SETDB1: variants seen among roughly 807,000 people sequenced by gnomAD.
SETDB1 encodes the protein histone-lysine N-methyltransferase SETDB1.
Under a neutral mutation model 137.4 loss-of-function variants are expected in SETDB1, and 31 were observed. The observed-to-expected ratio is 0.23, with a 90% CI of 0.17 to 0.30. The LOEUF (loss-of-function observed/expected upper bound fraction) is 0.30, where lower values mean the gene tolerates loss of function less well. SETDB1 is among the 10% of genes least tolerant of loss of function. SETDB1 has a pLI of 1.00. For synonymous variants in SETDB1, 548 were observed against 579.9 expected (o/e 0.95, Z 0.79); for missense variants, 1,113 against 1,631.5 (o/e 0.68, Z 5.47).
At chr1:150,928,978 TAATC>T (rs587700278) in intron 2 of SETDB1, among the ~76,000 whole-genome samples, 292 of 152,364 alleles carry the variant, frequency 1.9e-3, no homozygotes, top group African/African-American at 6.7e-3. Context: ...CCACATTTCT[TAATC>T]CAGTCTATCA....
chr1:150,963,904 A>T (rs775781615), intron 20 of SETDB1, 91 bp from the exon 21 acceptor site: 2 of 1,330,932 alleles, frequency 1.5e-6, no homozygotes, highest in African/African-American at 1.4e-5. Flanking sequence ...GGAGGGTCAG[A>T]TGGCATCATT....
chr1:150,951,015 C>T lies in SETDB1; in HGVS notation c.2141C>T (p.Pro714Leu), dbSNP rs374101197. The T allele has an allele frequency of 6.2e-6, 10 of 1,614,004 alleles. No individual in the cohort carries two copies. The highest frequency in any genetic ancestry group is 2.7e-5 in the African/African-American group (2 of 74,914). Residue 714 changes from proline to leucine, a missense_variant, in exon 13 of 22, where the codon CCG becomes CTG. Pro to Leu is a moderately conservative substitution (Grantham distance 98). Coordinates refer to ENST00000692827, the MANE Select transcript of SETDB1 (RefSeq NM_001366418.1). ...PQVAYSKERI[P>L]GKGVFINTGP... is the part of the protein sequence containing the mutation. ...GTGGCCTACAGCAAGGAACGTATCC[C>T]GGGCAAGGGTGTTTTCATTAACACA...
chr1:150,930,549 G>A (rs76182996), intron 3 of SETDB1: 1 of 25,192 alleles, frequency 4.0e-5, no homozygotes, highest in Non-Finnish European at 7.4e-5. Flanking sequence ...TTTTTTTTGA[G>A]ATGGAGTCTC....
Position 150,942,771 on chromosome 1 carries a change from C to T in SETDB1, c.674-81C>T, listed in dbSNP as rs1670204650. 5 of 1,595,742 alleles carry T rather than the reference C, an allele frequency of 3.1e-6. No individual in the cohort carries two copies. The South Asian group carries it at 5.6e-5, about 18-fold the overall frequency. On this transcript the variant is annotated intron_variant, in intron 6 of 21. Transcript: ENST00000692827. Reference sequence around the variant, plus strand: ...ATTGTTTCTTTTCCCCATAACCTTCCCATTTGTCTCTCACATAGCAGCCTG... The same window carrying T: ...ATTGTTTCTTTTCCCCATAACCTTCTCATTTGTCTCTCACATAGCAGCCTG...
intron 3 of SETDB1, among the ~76,000 whole-genome samples, chr1:150,932,974 ATCTT>A (rs1669809548): frequency 6.6e-6 from 1 of 151,892 alleles, no homozygotes; most frequent in South Asian, 2.1e-4. Flanking sequence ...TTTTTTTGAT[ATCTT>A]TCTGTTGTTA....
At chr1:150,959,128 T>G (rs760954569) in intron 14 of SETDB1, 50 bp from the exon 15 acceptor site, 1 of 1,307,378 alleles carries the variant, frequency 7.6e-7, no homozygotes, top group Non-Finnish European at 1.0e-6. Context: ...TGGATTTTTT[T>G]GTGCTCTAGT....
chr1:150,934,148 C>T (rs1456424609), intron 3 of SETDB1, among the ~76,000 whole-genome samples: 7 of 151,760 alleles, frequency 4.6e-5, no homozygotes, highest in African/African-American at 1.7e-4. Flanking sequence ...TAATCTATTA[C>T]AAATTAATAC....
At chr1:150,929,450 C>T (rs1159271981) in intron 2 of SETDB1, among the ~76,000 whole-genome samples, 1 of 151,668 alleles carries the variant, frequency 6.6e-6, no homozygotes, top group Non-Finnish European at 1.5e-5. Flanking sequence ...GTGATCTCGG[C>T]TCACTGCAGC....
chr1:150,951,498 T>A lies in SETDB1; in HGVS notation c.2333+17T>A, dbSNP rs1300292838. On this transcript the variant is annotated intron_variant, in intron 14 of 21. Coordinates refer to ENST00000692827, the MANE Select transcript of SETDB1 (RefSeq NM_001366418.1). ...ACCCACAGGGTAAGTGGTCAAGGAA[T>A]GGCACAGTACCTCAGAGAGACTGAG... 1 of 1,268,608 alleles carries A rather than the reference T, an allele frequency of 7.9e-7. No individual in the cohort carries two copies. The highest frequency in any genetic ancestry group is 2.3e-5 in the East Asian group (1 of 43,270). 78.6% of individuals were successfully genotyped at this position (1,268,608 alleles called of 1,614,324 possible).
intron 2 of SETDB1, 67 bp downstream of exon 2, chr1:150,928,041 C>A: frequency 6.5e-7 from 1 of 1,528,232 alleles, no homozygotes; most frequent in Non-Finnish European, 9.0e-7. Context: ...AATAATTGTT[C>A]ATGACATTGA....
rs777410669 is a variant in SETDB1, at chr1:150,950,748, A to T, written c.1874A>T (p.His625Leu). Reference protein sequence around the residue: ...RRRVNRKMGFHVIYKTPCGLC... With the variant: ...RRRVNRKMGFLVIYKTPCGLC... Reference sequence around the variant, plus strand: ...CGAGTTAACCGCAAGATGGGCTTTCATGTTATCTATAAGACACCTTGTGGT... The same window carrying T: ...CGAGTTAACCGCAAGATGGGCTTTCTTGTTATCTATAAGACACCTTGTGGT... Residue 625 changes from histidine (H) to leucine (L), a missense_variant, in exon 13 of 22, where the codon CAT becomes CTT. Coordinates refer to ENST00000692827, the MANE Select transcript of SETDB1 (RefSeq NM_001366418.1). 2 of 1,614,186 alleles carry T rather than the reference A, an allele frequency of 1.2e-6. No homozygotes were observed. Among genetic ancestry groups the T allele is most frequent in the South Asian group, 2.2e-5 (2 of 91,080 alleles).
At chr1:150,931,276 A>AAAG (rs2102640399) in intron 3 of SETDB1, among the ~76,000 whole-genome samples, 1 of 148,512 alleles carries the variant, frequency 6.7e-6, no homozygotes, top group African/African-American at 2.5e-5. Flanking sequence ...AAAAAAAAAA[A>AAAG]AAAAAGGGTT....
At chr1:150,953,394 C>T (rs1252061814) in intron 14 of SETDB1, among the ~76,000 whole-genome samples, 1 of 150,864 alleles carries the variant, frequency 6.6e-6, no homozygotes, top group Non-Finnish European at 1.5e-5. Flanking sequence ...GGGATGGTGG[C>T]GAGCACCTGT....
intron 14 of SETDB1, among the ~76,000 whole-genome samples, chr1:150,953,163 C>T (rs997688348): frequency 4.0e-5 from 6 of 151,896 alleles, no homozygotes; most frequent in Non-Finnish European, 7.4e-5. Context: ...AGGGTGAGGC[C>T]GAAAGATTAC....
At chr1:150,929,939 A>C (rs752013515) in intron 2 of SETDB1, 28 bp from the exon 3 acceptor site, 4 of 1,604,148 alleles carry the variant, frequency 2.5e-6, no homozygotes, top group Non-Finnish European at 3.4e-6. Context: ...ACTGGCTTTG[A>C]CCTTTTCTGC....
intron 7 of SETDB1, 64 bp downstream of exon 7, chr1:150,943,117 C>T: frequency 8.6e-7 from 1 of 1,157,168 alleles, no homozygotes; most frequent in South Asian, 1.3e-5. Flanking sequence ...CTGTTCGTGC[C>T]ATAGACCAGA....
rs768538821 is a variant in SETDB1 at position 150,940,938 on chromosome 1, C to T, written c.448-391C>T. ...GCTTGAACCCGAGAGGCAGAGGTTG[C>T]GGTGAACCTAAATCATGCCATTGCA... On this transcript the variant is annotated intron_variant, in intron 4 of 21. Coordinates refer to ENST00000692827, the MANE Select transcript of SETDB1 (RefSeq NM_001366418.1). Among the ~76,000 whole-genome samples the T allele has an allele frequency of 1.0e-4, 15 of 149,538 alleles. No homozygotes were observed. The Admixed American group carries it at 1.0e-3, about 10-fold the overall frequency.
At chr1:150,945,331 T>C (rs1670292347) in intron 9 of SETDB1, 1 of 1,417,280 alleles carries the variant, frequency 7.1e-7, no homozygotes, top group Admixed American at 2.9e-5. Flanking sequence ...TCTGCATGGT[T>C]TTGATTTATT....
At chr1:150,958,789 T>C (rs1382313099) in intron 14 of SETDB1, among the ~76,000 whole-genome samples, 2 of 151,492 alleles carry the variant, frequency 1.3e-5, no homozygotes, top group Non-Finnish European at 3.0e-5. Flanking sequence ...ATTTCTCACA[T>C]GTCTTTATTT....
Sources: gnomAD v4.1 joint callset for allele counts (sites outside exome capture counted in the v4.1 genomes callset) on GRCh38, gnomAD v4.1.1 for gene constraint, MANE v1.5 for transcripts, NCBI Gene and HGNC (gene_info 2026-07-23, HGNC 2026-07-21) for gene names.